Variants in RUFY3 observed in about 807,000 individuals in gnomAD.
The protein encoded by RUFY3 is RUN and FYVE domain containing 3, also known as protein RUFY3.
RUFY3 carries 34 observed loss-of-function variants against 84.0 expected under a neutral mutation model. The observed-to-expected ratio is 0.40, with a 90% CI of 0.31 to 0.54. The LOEUF (loss-of-function observed/expected upper bound fraction) is 0.54, where lower values mean the gene tolerates loss of function less well. Among genes scored for constraint, RUFY3 ranks in the 20% least tolerant of loss-of-function variants. The pLI, the probability that RUFY3 is intolerant of heterozygous loss-of-function variation, is 0.39. For missense variants in RUFY3, 507 were observed against 736.8 expected, an observed-to-expected ratio of 0.69 and a Z score of 3.61; for synonymous variants, 242 against 252.9, an observed-to-expected ratio of 0.96 and a Z score of 0.41.
intron 12 of RUFY3, chr4:70,791,111 AATGACTTAT>A (rs1730740833): frequency 2.4e-6 from 2 of 830,574 alleles, no homozygotes; most frequent in Non-Finnish European, 1.9e-6. Flanking sequence ...GAAAGAGAAT[AATGACTTAT>A]CTCTTTGAGT....
intron 4 of RUFY3, among the ~76,000 whole-genome samples, chr4:70,765,503 A>G (rs1356162836): frequency 1.3e-5 from 2 of 152,118 alleles, no homozygotes; most frequent in African/African-American, 4.8e-5. Context: ...GTGAAAGTTC[A>G]TGGAACTAAC....
At chr4:70,750,618 A>G (rs987781436) in intron 1 of RUFY3, among the ~76,000 whole-genome samples, 2 of 152,218 alleles carry the variant, frequency 1.3e-5, no homozygotes, top group Admixed American at 6.5e-5. Context: ...CTGTGCATCC[A>G]TCACCACTCT....
intron 1 of RUFY3, among the ~76,000 whole-genome samples, chr4:70,735,343 A>G (rs1233536534): frequency 6.6e-6 from 1 of 152,162 alleles, no homozygotes; most frequent in Non-Finnish European, 1.5e-5. Flanking sequence ...CAGGGCTGTA[A>G]ATACTAAAAT....
intron 1 of RUFY3, among the ~76,000 whole-genome samples, chr4:70,756,074 A>G (rs1041849854): frequency 2.6e-5 from 4 of 152,094 alleles, no homozygotes; most frequent in Non-Finnish European, 4.4e-5. Context: ...TTCCCCACCA[A>G]TGTGATCTGC....
At chr4:70,787,042 T>A (rs1729929655) in intron 10 of RUFY3, among the ~76,000 whole-genome samples, 1 of 150,844 alleles carries the variant, frequency 6.6e-6, no homozygotes. Flanking sequence ...TGATAGTACA[T>A]GCCTGTATTC....
chr4:70,750,521 A>C (rs1034010467), intron 1 of RUFY3, among the ~76,000 whole-genome samples: 4 of 152,198 alleles, frequency 2.6e-5, no homozygotes, highest in Non-Finnish European at 5.9e-5. Flanking sequence ...TTTTTCTAAT[A>C]ATAGCCTTAT....
chr4:70,794,448 G>T (rs1002754040), intron 13 of RUFY3, among the ~76,000 whole-genome samples: 2 of 152,114 alleles, frequency 1.3e-5, no homozygotes, highest in African/African-American at 4.8e-5. Flanking sequence ...AGACATAGTG[G>T]TGGGTGCCAG....
At chr4:70,750,653 C>T (rs910801094) in intron 1 of RUFY3, among the ~76,000 whole-genome samples, 1 of 152,054 alleles carries the variant, frequency 6.6e-6, no homozygotes, top group African/African-American at 2.4e-5. Flanking sequence ...TTTTCATCAC[C>T]TTTTCTAAAA....
rs1560511606 is a variant in RUFY3, at chr4:70,762,790, G to A, written c.352+98G>A. The stretch of plus-strand genomic sequence containing the variant: ...TCTTTGTGGAGCCAAAGAATAAGAG[G>A]CTTGAATTAATAATATTAATCCATT... On this transcript the variant is annotated intron_variant, in intron 2 of 17. Transcript: ENST00000381006. 2.9e-6 allele frequency: 3 copies of A among 1,033,080 alleles called. No homozygotes were observed. The Admixed American group carries it at 7.9e-5, about 27-fold the overall frequency. The allele number at this position is 1,033,080 out of a possible 1,614,324, so 64.0% of individuals were successfully genotyped here.
intron 1 of RUFY3, among the ~76,000 whole-genome samples, chr4:70,713,081 T>C (rs1197116395): frequency 6.6e-6 from 1 of 152,256 alleles, no homozygotes; most frequent in Non-Finnish European, 1.5e-5. Flanking sequence ...TGGAGTGCGA[T>C]GGGGCAATCT....
At chr4:70,747,051 A>G (rs944023906) in intron 1 of RUFY3, among the ~76,000 whole-genome samples, 6 of 152,246 alleles carry the variant, frequency 3.9e-5, no homozygotes, top group African/African-American at 1.4e-4. Context: ...TGGGAGAACT[A>G]GGTTAAAAGT....
At chr4:70,739,864 G>A (rs1241602666) in intron 1 of RUFY3, among the ~76,000 whole-genome samples, 1 of 149,900 alleles carries the variant, frequency 6.7e-6, no homozygotes, top group African/African-American at 2.5e-5. Flanking sequence ...AGTGGGGGAC[G>A]CCTATAATCC....
At chr4:70,745,902 A>G (rs1035098033) in intron 1 of RUFY3, among the ~76,000 whole-genome samples, 2 of 152,160 alleles carry the variant, frequency 1.3e-5, no homozygotes, top group African/African-American at 2.4e-5. Context: ...CCTGGCCAAC[A>G]TGACAAAACC....
intron 1 of RUFY3, among the ~76,000 whole-genome samples, chr4:70,736,811 A>G (rs546078335): frequency 1.8e-4 from 28 of 152,220 alleles, no homozygotes; most frequent in Non-Finnish European, 4.0e-4. Flanking sequence ...ACCTCAGGTG[A>G]TCCACCCACC....
chr4:70,774,614 C>CAAA lies in RUFY3; in HGVS notation c.759-525_759-523dup, dbSNP rs1172638290. Among the ~76,000 whole-genome samples the CAAA allele has an allele frequency of 4.5e-3, 100 of 22,100 alleles. 5 individuals carry two copies. The highest frequency in any genetic ancestry group is 8.9e-3 in the East Asian group (4 of 448). The allele number at this position is 22,100 out of a possible 152,430, so 14.5% of individuals were successfully genotyped here. On this transcript the variant is annotated intron_variant, in intron 6 of 17. Transcript: ENST00000381006. ...TGGGTGACAAAGCAGGACTCTGCCT[C>CAAA]AAAAAAAAAAAAAAAAAAAAAAAAA...
chr4:70,786,812 C>T (rs541810886), intron 10 of RUFY3, among the ~76,000 whole-genome samples: 9 of 152,070 alleles, frequency 5.9e-5, no homozygotes, highest in Non-Finnish European at 8.8e-5. Flanking sequence ...GATAGTATAA[C>T]AAACACAAGG....
upstream of RUFY3, among the ~76,000 whole-genome samples, chr4:70,718,658 C>T (rs1301512599): frequency 3.3e-5 from 5 of 152,076 alleles, no homozygotes; most frequent in Admixed American, 2.6e-4. Flanking sequence ...ACTTTAACTT[C>T]ATATTCAAAG....
In RUFY3 at chr4:70,766,706, T is replaced by C. The variant is rs113489812; in HGVS notation, c.573-1832T>C. Among the ~76,000 whole-genome samples the C allele has an allele frequency of 5.9e-3, 896 of 152,298 alleles. 15 individuals are homozygous for C. The highest frequency in any genetic ancestry group is 0.021 in the African/African-American group (859 of 41,568). ...CACAGGAGTGGTACATTTGTTACAA[T>C]TGATGAACCTACATTGACACATCAT... On this transcript the variant is annotated intron_variant, in intron 4 of 17. Transcript: ENST00000381006.
intron 1 of RUFY3, among the ~76,000 whole-genome samples, chr4:70,734,174 A>G (rs1719904204): frequency 6.6e-6 from 1 of 152,168 alleles, no homozygotes; most frequent in Non-Finnish European, 1.5e-5. Context: ...AGCTGTTTAA[A>G]TGCTGTTTGC....
Sources: gnomAD v4.1 joint callset for allele counts (sites outside exome capture counted in the v4.1 genomes callset) on GRCh38, gnomAD v4.1.1 for gene constraint, MANE v1.5 for transcripts, NCBI Gene and HGNC (gene_info 2026-07-23, HGNC 2026-07-21) for gene names.